NXPE2: variants seen among roughly 807,000 people sequenced by gnomAD.
The protein encoded by NXPE2 is neurexophilin and PC-esterase domain family member 2.
A neutral mutation model predicts 34.4 loss-of-function variants in NXPE2; 34 were observed. The observed-to-expected ratio is 0.99, with a 90% CI of 0.75 to 1.31. The LOEUF is 1.31. Ranked by LOEUF, NXPE2 falls within the 40% of genes most tolerant of loss-of-function variation. The pLI, the probability that NXPE2 is intolerant of heterozygous loss-of-function variation, is 0.00. For synonymous variants in NXPE2, 235 were observed against 231.3 expected, an observed-to-expected ratio of 1.02 and a Z score of -0.15; for missense variants, 649 against 672.5, an observed-to-expected ratio of 0.97 and a Z score of 0.39.
the NXPE2 span, among the ~76,000 whole-genome samples, chr11:114,636,231 A>T: frequency 6.6e-6 from 1 of 151,948 alleles, no homozygotes; most frequent in Non-Finnish European, 1.5e-5. Context: ...TTTTTTCTAG[A>T]TTCTCTAGTT....
chr11:114,806,404 A>T, the NXPE2 span, among the ~76,000 whole-genome samples: 660 of 151,186 alleles, frequency 4.4e-3, 4 homozygotes, highest in Admixed American at 7.8e-3. Flanking sequence ...TCCAAGCTAC[A>T]GAAGGAAATT....
At chr11:114,645,872 G>A in the NXPE2 span, among the ~76,000 whole-genome samples, 1 of 152,104 alleles carries the variant, frequency 6.6e-6, no homozygotes, top group African/African-American at 2.4e-5. Context: ...ATAATTTGTT[G>A]ATAAGTATTT....
the NXPE2 span, among the ~76,000 whole-genome samples, chr11:114,560,569 A>G: frequency 6.6e-6 from 1 of 152,074 alleles, no homozygotes; most frequent in Non-Finnish European, 1.5e-5. Context: ...TCCCAGCTGG[A>G]TCTTTTATCG....
At chr11:114,678,841 G>T (rs1436646939) in intron 1 of NXPE2, among the ~76,000 whole-genome samples, 3 of 151,238 alleles carry the variant, frequency 2.0e-5, no homozygotes. Flanking sequence ...TGAGAGTTTT[G>T]GGGCGTGTAT....
chr11:114,600,615 T>A, the NXPE2 span, among the ~76,000 whole-genome samples: 2 of 152,092 alleles, frequency 1.3e-5, no homozygotes, highest in South Asian at 2.1e-4. Flanking sequence ...ACTAAGCAAC[T>A]GTCCCCAGCT....
At chr11:114,520,574 A>T in the NXPE2 span, among the ~76,000 whole-genome samples, 1 of 152,216 alleles carries the variant, frequency 6.6e-6, no homozygotes. Flanking sequence ...TGCAGTGAGC[A>T]TGAGAATGCA....
the NXPE2 span, among the ~76,000 whole-genome samples, chr11:114,568,779 A>G: frequency 6.6e-6 from 1 of 152,086 alleles, no homozygotes; most frequent in African/African-American, 2.4e-5. Context: ...CATCACCACC[A>G]TGCCGTTACC....
chr11:114,625,603 T>A, the NXPE2 span, among the ~76,000 whole-genome samples: 6 of 152,200 alleles, frequency 3.9e-5, no homozygotes, highest in Non-Finnish European at 8.8e-5. Flanking sequence ...ATCTGGTGGA[T>A]AATAAATATT....
At chr11:114,560,355 C>G in the NXPE2 span, among the ~76,000 whole-genome samples, 2 of 150,522 alleles carry the variant, frequency 1.3e-5, no homozygotes, top group African/African-American at 4.9e-5. Context: ...ACTGCAACCT[C>G]GAACTCCTGG....
At chr11:114,552,583 A>G in the NXPE2 span, among the ~76,000 whole-genome samples, 4 of 146,424 alleles carry the variant, frequency 2.7e-5, no homozygotes, top group East Asian at 3.9e-4. Flanking sequence ...CAATAGGACA[A>G]AGAAGAAGAA....
the NXPE2 span, chr11:114,527,719 G>T: frequency 1.7e-6 from 1 of 593,580 alleles, no homozygotes; most frequent in East Asian, 2.9e-5. Flanking sequence ...TTAAAGTCCA[G>T]CATGATTGAC....
chr11:114,474,760 C>G, the NXPE2 span, among the ~76,000 whole-genome samples: 1 of 152,160 alleles, frequency 6.6e-6, no homozygotes, highest in East Asian at 1.9e-4. Flanking sequence ...TGAGTACTTA[C>G]TGTGTGACAG....
At chr11:114,660,276 G>A in the NXPE2 span, among the ~76,000 whole-genome samples, 5 of 151,720 alleles carry the variant, frequency 3.3e-5, no homozygotes, top group Non-Finnish European at 5.9e-5. Context: ...GAAAATAGAA[G>A]CACTTTGCAA....
chr11:114,474,229 G>A, the NXPE2 span, among the ~76,000 whole-genome samples: 8 of 152,244 alleles, frequency 5.3e-5, no homozygotes, highest in African/African-American at 1.2e-4. Flanking sequence ...GGGTCCATCC[G>A]TATATGAATG....
the NXPE2 span, among the ~76,000 whole-genome samples, chr11:114,806,701 A>T: frequency 4.6e-5 from 7 of 152,248 alleles, no homozygotes; most frequent in East Asian, 3.9e-4. Context: ...TGAAAAGACC[A>T]AATCTACGTC....
At chr11:114,508,766 T>C in the NXPE2 span, among the ~76,000 whole-genome samples, 1 of 152,180 alleles carries the variant, frequency 6.6e-6, no homozygotes, top group African/African-American at 2.4e-5. Flanking sequence ...AAACCATCTT[T>C]AAATGTAAAA....
the NXPE2 span, among the ~76,000 whole-genome samples, chr11:114,634,787 T>G: frequency 1.3e-4 from 20 of 152,140 alleles, no homozygotes; most frequent in Middle Eastern, 6.8e-3. Flanking sequence ...TATGTGGCAT[T>G]ATTTCTGAGG....
At chr11:114,803,600 T>C in the NXPE2 span, among the ~76,000 whole-genome samples, 2 of 149,682 alleles carry the variant, frequency 1.3e-5, no homozygotes, top group African/African-American at 2.5e-5. Flanking sequence ...TTTTTTGAGA[T>C]GGAGTCTCAC....
At chr11:114,485,099 T>A in the NXPE2 span, among the ~76,000 whole-genome samples, 1 of 152,216 alleles carries the variant, frequency 6.6e-6, no homozygotes, top group African/African-American at 2.4e-5. Flanking sequence ...ATATGAGATA[T>A]TTTGATATAG....
Sources: allele counts gnomAD v4.1 joint callset (sites outside exome capture counted in the v4.1 genomes callset), GRCh38; gene constraint gnomAD v4.1.1; transcripts MANE v1.5; gene names NCBI Gene and HGNC (gene_info 2026-07-23, HGNC 2026-07-21).